Variants in SKAP1 observed in about 807,000 individuals in gnomAD.
SKAP1 encodes src kinase-associated phosphoprotein 1.
In SKAP1, 44 loss-of-function variants were observed where a neutral mutation model predicts 58.5. The ratio of observed to expected loss-of-function variants is 0.75; its 90% confidence interval spans 0.59 to 0.97. The LOEUF (loss-of-function observed/expected upper bound fraction) is 0.97, where lower values mean the gene tolerates loss of function less well. Ranked by LOEUF, SKAP1 falls within the 50% of genes least tolerant of loss-of-function variation. The pLI is 0.00. For synonymous variants in SKAP1, 127 were observed against 149.7 expected, an observed-to-expected ratio of 0.85 and a Z score of 1.11; for missense variants, 390 against 435.2, an observed-to-expected ratio of 0.90 and a Z score of 0.92.
At chr17:48,251,947 T>C (rs2065368777) in intron 4 of SKAP1, among the ~76,000 whole-genome samples, 1 of 152,236 alleles carries the variant, frequency 6.6e-6, no homozygotes, top group African/African-American at 2.4e-5. Flanking sequence ...CCAAACACCA[T>C]TGCTAAATTC....
intron 4 of SKAP1, among the ~76,000 whole-genome samples, chr17:48,199,188 G>A (rs1459065132): frequency 6.6e-6 from 1 of 152,176 alleles, no homozygotes; most frequent in Non-Finnish European, 1.5e-5. Context: ...ACCAAACTGT[G>A]GCCAGAAGTC....
chr17:48,433,445 G>A (rs897393860), upstream of SKAP1, among the ~76,000 whole-genome samples: 1 of 152,152 alleles, frequency 6.6e-6, no homozygotes, highest in Non-Finnish European at 1.5e-5. Context: ...TCTGCACACA[G>A]GCAGGAGGAC....
intron 11 of SKAP1, among the ~76,000 whole-genome samples, chr17:48,159,242 A>G (rs934520399): frequency 6.6e-6 from 1 of 152,218 alleles, no homozygotes; most frequent in African/African-American, 2.4e-5. Flanking sequence ...TTTTGTGTGG[A>G]ACTTCTTTAG....
intron 4 of SKAP1, among the ~76,000 whole-genome samples, chr17:48,298,532 G>T (rs947873297): frequency 6.6e-6 from 1 of 152,176 alleles, no homozygotes; most frequent in Non-Finnish European, 1.5e-5. Flanking sequence ...AACTGTTTTA[G>T]ACTTTATTTT....
intron 10 of SKAP1, among the ~76,000 whole-genome samples, chr17:48,167,040 A>C (rs557649888): frequency 6.6e-6 from 1 of 152,064 alleles, no homozygotes; most frequent in East Asian, 1.9e-4. Flanking sequence ...AATCTTTTTA[A>C]TTTTTTGAAA....
chr17:48,391,784 CTTTTTT>C (rs35958466), intron 2 of SKAP1, among the ~76,000 whole-genome samples: 1 of 130,862 alleles, frequency 7.6e-6, no homozygotes. Flanking sequence ...CTACCTCTTC[CTTTTTT>C]TTTTTTTTTT....
At chr17:48,374,462 CCAAA>C (rs2067128682) in intron 2 of SKAP1, among the ~76,000 whole-genome samples, 1 of 152,150 alleles carries the variant, frequency 6.6e-6, no homozygotes, top group Non-Finnish European at 1.5e-5. Flanking sequence ...ATGGCTGTCT[CCAAA>C]CAGACTGCAA....
chr17:48,333,777 A>G (rs957844320), intron 4 of SKAP1, among the ~76,000 whole-genome samples: 1 of 152,090 alleles, frequency 6.6e-6, no homozygotes, highest in African/African-American at 2.4e-5. Context: ...TCCCAAACAA[A>G]TAGGGAATTT....
intron 2 of SKAP1, among the ~76,000 whole-genome samples, chr17:48,370,760 C>G (rs8074212): frequency 6.6e-6 from 1 of 151,962 alleles, no homozygotes. Flanking sequence ...CATTCAACCC[C>G]GTAATCCCAT....
chr17:48,353,912 AG>A (rs2066838969), intron 3 of SKAP1, among the ~76,000 whole-genome samples: 2 of 148,312 alleles, frequency 1.3e-5, no homozygotes, highest in Admixed American at 6.8e-5. Flanking sequence ...AAAAAAAAAA[AG>A]AAAAGAAAAG....
intron 10 of SKAP1, 63 bp downstream of exon 10, chr17:48,170,546 C>G: frequency 7.2e-7 from 1 of 1,391,048 alleles, no homozygotes; most frequent in Non-Finnish European, 1.0e-6. Flanking sequence ...GAGAAAGGTG[C>G]TTTCTCTAAT....
At chr17:48,289,046 AT>A (rs1178801622) in intron 4 of SKAP1, among the ~76,000 whole-genome samples, 2 of 152,172 alleles carry the variant, frequency 1.3e-5, no homozygotes, top group Admixed American at 6.5e-5. Flanking sequence ...TAAAATTATT[AT>A]AAAGTGGTGA....
At chr17:48,375,294 G>A (rs978474593) in intron 2 of SKAP1, among the ~76,000 whole-genome samples, 1 of 150,688 alleles carries the variant, frequency 6.6e-6, no homozygotes, top group Non-Finnish European at 1.5e-5. Context: ...AACATTATCT[G>A]AGATTGACAG....
chr17:48,167,936 A>T (rs1407435323), intron 10 of SKAP1, among the ~76,000 whole-genome samples: 1 of 152,194 alleles, frequency 6.6e-6, no homozygotes, highest in Non-Finnish European at 1.5e-5. Context: ...TACTGGGCTG[A>T]TGGGTTGGAA....
At chr17:48,239,846 G>GAC (rs71141975) in intron 4 of SKAP1, among the ~76,000 whole-genome samples, 12 of 62,776 alleles carry the variant, frequency 1.9e-4, no homozygotes, top group Non-Finnish European at 3.0e-4. Flanking sequence ...GAGAGAGAGA[G>GAC]AGACAGAGAG....
At chr17:48,139,409 C>G (rs2063741707) in intron 11 of SKAP1, among the ~76,000 whole-genome samples, 1 of 151,920 alleles carries the variant, frequency 6.6e-6, no homozygotes, top group African/African-American at 2.4e-5. Flanking sequence ...TCTTGAGCTC[C>G]TGACCTCGTC....
At chr17:48,248,437 T>C (rs2957931) in intron 4 of SKAP1, among the ~76,000 whole-genome samples, 126,600 of 152,022 alleles carry the variant, frequency 0.83, 52,775 homozygotes, top group East Asian at 0.95. Flanking sequence ...CATAGTGGCA[T>C]GTGCCTGTAA....
chr17:48,403,850 G>A (rs548502022), intron 1 of SKAP1, among the ~76,000 whole-genome samples: 1 of 152,262 alleles, frequency 6.6e-6, no homozygotes, highest in Admixed American at 6.5e-5. Flanking sequence ...ACTTTGGGAG[G>A]CAGAGGCGGG....
chr17:48,394,988 C>T (rs941562818), intron 2 of SKAP1, among the ~76,000 whole-genome samples: 1 of 152,138 alleles, frequency 6.6e-6, no homozygotes, highest in African/African-American at 2.4e-5. Flanking sequence ...AGTCAATGAA[C>T]AGAAAGCTCC....
Sources: allele counts gnomAD v4.1 joint callset (sites outside exome capture counted in the v4.1 genomes callset), GRCh38; gene constraint gnomAD v4.1.1; transcripts MANE v1.5; gene names NCBI Gene and HGNC (gene_info 2026-07-23, HGNC 2026-07-21).